KDM4C: variants seen among roughly 807,000 people sequenced by gnomAD.
KDM4C encodes the protein lysine-specific demethylase 4C.
A neutral mutation model predicts 129.3 loss-of-function variants in KDM4C; 81 were observed. That is an observed-to-expected ratio of 0.63 (90% CI 0.52 to 0.75). The LOEUF (loss-of-function observed/expected upper bound fraction) is 0.75. KDM4C is among the 30% of genes least tolerant of loss of function. The pLI, the probability that KDM4C is intolerant of heterozygous loss-of-function variation, is 0.00. For synonymous variants in KDM4C, 573 were observed against 456.1 expected (o/e 1.26, Z -3.26); for missense variants, 1,457 against 1,304.0 (o/e 1.12, Z -1.81).
chr9:6,964,332 A>G (rs1470697242), intron 8 of KDM4C, among the ~76,000 whole-genome samples: 4 of 151,626 alleles, frequency 2.6e-5, no homozygotes, highest in African/African-American at 7.3e-5. Flanking sequence ...GAGTGAGAAC[A>G]TGCGGGGTTT....
chr9:7,061,372 A>T (rs1831644314), intron 17 of KDM4C, among the ~76,000 whole-genome samples: 1 of 152,184 alleles, frequency 6.6e-6, no homozygotes, highest in African/African-American at 2.4e-5. Flanking sequence ...ACAGTTTTTG[A>T]CTGCCTGTCA....
chr9:6,743,252 G>A (rs1169579045), intron 1 of KDM4C, among the ~76,000 whole-genome samples: 4 of 152,104 alleles, frequency 2.6e-5, no homozygotes, highest in Non-Finnish European at 5.9e-5. Flanking sequence ...TCAGTGGTGG[G>A]GGCTTTACCC....
intron 5 of KDM4C, among the ~76,000 whole-genome samples, chr9:6,864,824 AT>A (rs199772404): frequency 3.4e-5 from 5 of 145,038 alleles, no homozygotes; most frequent in Non-Finnish European, 7.6e-5. Flanking sequence ...TTTTTAATTT[AT>A]TTTTTTTCTC....
chr9:6,730,601 C>G (rs1028364245), intron 1 of KDM4C, among the ~76,000 whole-genome samples: 5 of 147,120 alleles, frequency 3.4e-5, no homozygotes, highest in African/African-American at 1.0e-4. Flanking sequence ...GGCGACAGAG[C>G]GAGACTCTGT....
chr9:6,880,509 C>G (rs1844273940), intron 6 of KDM4C, among the ~76,000 whole-genome samples: 1 of 151,842 alleles, frequency 6.6e-6, no homozygotes, highest in South Asian at 2.1e-4. Flanking sequence ...GGTTATGTCA[C>G]TGCCGACGCC....
intron 8 of KDM4C, among the ~76,000 whole-genome samples, chr9:6,931,928 A>G (rs1214865649): frequency 6.6e-6 from 1 of 152,236 alleles, no homozygotes; most frequent in Non-Finnish European, 1.5e-5. Context: ...CCAGTTGAAA[A>G]GATATCCTAA....
chr9:7,137,138 G>A (rs982646913), intron 19 of KDM4C, among the ~76,000 whole-genome samples: 3 of 152,196 alleles, frequency 2.0e-5, no homozygotes, highest in Admixed American at 2.0e-4. Flanking sequence ...ATGAGAGTGA[G>A]AAGTCTGTCG....
chr9:6,968,915 A>G (rs1266896311), intron 8 of KDM4C, among the ~76,000 whole-genome samples: 2 of 152,108 alleles, frequency 1.3e-5, no homozygotes, highest in East Asian at 3.8e-4. Flanking sequence ...ATATTGGAAT[A>G]TGTAACTTCT....
At chr9:6,775,817 A>G (rs1822908614) in intron 1 of KDM4C, among the ~76,000 whole-genome samples, 1 of 152,182 alleles carries the variant, frequency 6.6e-6, no homozygotes, top group Non-Finnish European at 1.5e-5. Flanking sequence ...CACTGCGCCC[A>G]GCGACAAATG....
chr9:6,888,522 T>G (rs957381684), intron 7 of KDM4C, among the ~76,000 whole-genome samples: 5 of 152,194 alleles, frequency 3.3e-5, no homozygotes, highest in African/African-American at 1.2e-4. Flanking sequence ...TGCCTGATGA[T>G]TTAATAATCT....
intron 11 of KDM4C, among the ~76,000 whole-genome samples, chr9:6,987,201 G>A (rs1817877553): frequency 6.6e-6 from 1 of 152,098 alleles, no homozygotes; most frequent in African/African-American, 2.4e-5. Context: ...GGACTCACGT[G>A]GTCATGCTTT....
chr9:6,752,048 G>A (rs1355359509), intron 1 of KDM4C, among the ~76,000 whole-genome samples: 1 of 151,876 alleles, frequency 6.6e-6, no homozygotes, highest in Admixed American at 6.6e-5. Context: ...AAATTAAGGA[G>A]GATGGCCGGG....
intron 5 of KDM4C, among the ~76,000 whole-genome samples, chr9:6,865,486 T>C (rs1441617796): frequency 1.3e-5 from 2 of 152,202 alleles, no homozygotes; most frequent in African/African-American, 4.8e-5. Flanking sequence ...CATGGTTCCC[T>C]GTTTGCTATT....
chr9:7,049,158 A>G lies in KDM4C; in HGVS notation c.2382A>G (p.Thr794=). The G allele has an allele frequency of 2.5e-6, 4 of 1,612,234 alleles. No homozygotes were observed. The highest frequency in any genetic ancestry group is 3.3e-5 in the Admixed American group (2 of 59,928). Residue 794 remains threonine, a synonymous_variant, in exon 17 of 22, where the codon ACA becomes ACG. Transcript: ENST00000381309. ...GATTCACTAATGTCCCAGAAAGGAC[A>G]CAAATAGATGTAGGCAGAATACCTT... ...EVRFTNVPER[T]QIDVGRIPLQ... is the part of the protein sequence containing the mutation.
At chr9:7,001,398 G>A (rs1046431946) in intron 12 of KDM4C, among the ~76,000 whole-genome samples, 31 of 152,236 alleles carry the variant, frequency 2.0e-4, no homozygotes, top group African/African-American at 6.8e-4. Context: ...ATGCCTTCAA[G>A]TGAGTGAACC....
At chr9:6,889,650 A>G (rs1468795068) in intron 7 of KDM4C, among the ~76,000 whole-genome samples, 3 of 152,202 alleles carry the variant, frequency 2.0e-5, no homozygotes, top group Admixed American at 2.0e-4. Flanking sequence ...AGTAGTTGGC[A>G]TCAGCTTCAT....
intron 4 of KDM4C, among the ~76,000 whole-genome samples, chr9:6,820,735 G>A (rs1316499082): frequency 1.3e-5 from 1 of 78,490 alleles, no homozygotes. Context: ...TTTTTTTTTT[G>A]ATAATACTTC....
intron 20 of KDM4C, among the ~76,000 whole-genome samples, chr9:7,169,466 G>T (rs1224231202): frequency 1.3e-5 from 2 of 152,168 alleles, no homozygotes; most frequent in African/African-American, 4.8e-5. Flanking sequence ...CTCCTGAGTA[G>T]CTGGGACTAC....
At chr9:6,817,195 G>GCCCCCCC (rs35527694) in intron 4 of KDM4C, among the ~76,000 whole-genome samples, 342 of 53,240 alleles carry the variant, frequency 6.4e-3, no homozygotes, top group South Asian at 9.6e-3. Flanking sequence ...CCCTCCCCCT[G>GCCCCCCC]CCCCCCCCCC....
Sources: allele counts gnomAD v4.1 joint callset (sites outside exome capture counted in the v4.1 genomes callset), GRCh38; gene constraint gnomAD v4.1.1; transcripts MANE v1.5; gene names NCBI Gene and HGNC (gene_info 2026-07-23, HGNC 2026-07-21).